MAP9: variants seen among roughly 807,000 people sequenced by gnomAD.
MAP9 encodes the protein microtubule-associated protein 9.
A neutral mutation model predicts 75.2 loss-of-function variants in MAP9; 80 were observed. The ratio of observed to expected loss-of-function variants is 1.06; its 90% CI spans 0.89 to 1.28. The LOEUF (loss-of-function observed/expected upper bound fraction) is 1.28. Among genes scored for constraint, MAP9 ranks in the 50% most tolerant of loss-of-function variants. The pLI, the probability that MAP9 is intolerant of heterozygous loss-of-function variation, is 0.00. For missense variants in MAP9, 753 were observed against 719.9 expected (o/e 1.05, Z -0.53); for synonymous variants, 235 against 237.3 (o/e 0.99, Z 0.09).
intron 4 of MAP9, among the ~76,000 whole-genome samples, chr4:155,372,052 G>A (rs899630627): frequency 2.0e-5 from 3 of 152,132 alleles, no homozygotes; most frequent in Non-Finnish European, 2.9e-5. Flanking sequence ...TCATCATGAG[G>A]ATACTGAAGC....
At chr4:155,355,263 A>G (rs914754183) in intron 9 of MAP9, 103 bp from the exon 10 acceptor site, 1 of 437,448 alleles carries the variant, frequency 2.3e-6, no homozygotes, top group Non-Finnish European at 4.0e-6. Context: ...ACAATTTTCT[A>G]AAGTATACTA....
Position 155,345,327 on chromosome 4 carries a change from G to A in MAP9, c.*2456C>T, listed in dbSNP as rs1483229812. ...AAGACAAAAAAAATTTGAAGTGAATGACTTGTTGGGTCTATGCAAACACCT... is the reference window on the plus strand; with the variant it reads ...AAGACAAAAAAAATTTGAAGTGAATAACTTGTTGGGTCTATGCAAACACCT... On this transcript the variant is annotated 3_prime_UTR_variant, in exon 14 of 14. Coordinates refer to ENST00000311277, the MANE Select transcript of MAP9 (RefSeq NM_001039580.2). The A allele has an allele frequency of 6.6e-6, 1 of 152,004 alleles. No homozygotes were observed. Among genetic ancestry groups the A allele is most frequent in the Non-Finnish European group, 1.5e-5 (1 of 67,934 alleles). 9.4% of individuals were successfully genotyped at this position (152,004 alleles called of 1,614,324 possible). A position where few individuals can be genotyped will look rare whatever the true frequency, so the allele number is the denominator to read the frequency against.
intron 4 of MAP9, among the ~76,000 whole-genome samples, chr4:155,372,318 T>C (rs1342933240): frequency 6.6e-6 from 1 of 152,208 alleles, no homozygotes; most frequent in African/African-American, 2.4e-5. Flanking sequence ...TGCAAGGAGA[T>C]TTTTATGAAG....
intron 7 of MAP9, among the ~76,000 whole-genome samples, chr4:155,359,734 ATGTTGATAAAC>A (rs1336569338): frequency 6.6e-6 from 1 of 152,080 alleles, no homozygotes; most frequent in African/African-American, 2.4e-5. Context: ...AGAAGCACAG[ATGTTGATAAAC>A]TGTTGATAAA....
intron 13 of MAP9, among the ~76,000 whole-genome samples, chr4:155,348,127 G>T (rs1418718428): frequency 6.6e-6 from 1 of 152,056 alleles, no homozygotes; most frequent in East Asian, 1.9e-4. Context: ...TTTGAGCCTG[G>T]GAGTTCGAGA....
chr4:155,353,213 T>C lies in MAP9; in HGVS notation c.1508A>G (p.Glu503Gly), dbSNP rs1190995367. 1 of 1,600,090 alleles carries C rather than the reference T, an allele frequency of 6.2e-7. No individual in the cohort carries two copies. The highest frequency in any genetic ancestry group is 1.7e-5 in the Admixed American group (1 of 57,568). Residue 503 changes from glutamate (E) to glycine (G), a missense_variant, in exon 11 of 14, where the codon GAA (glutamate) becomes GGA (glycine). By Grantham distance (98) the Glu-to-Gly change is moderately conservative. Coordinates refer to ENST00000311277, the MANE Select transcript of MAP9 (RefSeq NM_001039580.2). ...LEEKNKKKTE[E>G]ENAARKGEAL... Reference sequence around the variant, plus strand: ...TTCTCCTTTTCTTGCAGCATTTTCTTCTTCAGTTTTCTTCTTGTTTTTTTC... The same window carrying C: ...TTCTCCTTTTCTTGCAGCATTTTCTCCTTCAGTTTTCTTCTTGTTTTTTTC...
Position 155,375,873 on chromosome 4 carries a change from T to A in MAP9, c.-23A>T. 1 of 1,505,520 alleles carries A rather than the reference T, an allele frequency of 6.6e-7. No homozygotes were observed. Among genetic ancestry groups the A allele is most frequent in the Non-Finnish European group, 9.2e-7 (1 of 1,088,478 alleles). The allele number at this position is 1,505,520 out of a possible 1,614,324, so 93.3% of individuals were successfully genotyped here. On this transcript the variant is annotated 5_prime_UTR_variant, in exon 2 of 14. Transcript: ENST00000311277. ...CATAGTGTATTTTTTCTCGTTACCTTTATAAAATAGCTAATTATTAGAATT... is the reference window on the plus strand; with the variant it reads ...CATAGTGTATTTTTTCTCGTTACCTATATAAAATAGCTAATTATTAGAATT...
In MAP9 at chr4:155,368,645, G is replaced by T. The variant is rs200445044; in HGVS notation, c.649C>A (p.Pro217Thr). 14 of 1,614,152 alleles carry T rather than the reference G, an allele frequency of 8.7e-6. No individual in the cohort carries two copies. Among genetic ancestry groups the T allele is most frequent in the Non-Finnish European group, 1.1e-5 (13 of 1,180,032 alleles). ...LHSAPSSLPT[P>T]NGIQLEAEKK... ...TCAGCTTCTAATTGTATGCCATTCGGCGTTGGAAGGGAAGAAGGTGCAGAA... is the reference window on the plus strand; with the variant it reads ...TCAGCTTCTAATTGTATGCCATTCGTCGTTGGAAGGGAAGAAGGTGCAGAA... Residue 217 changes from proline (P) to threonine (T), a missense_variant, in exon 5 of 14, where the codon CCG (proline) becomes ACG (threonine). Coordinates refer to ENST00000311277, the MANE Select transcript of MAP9 (RefSeq NM_001039580.2).
intron 8 of MAP9, 150 bp downstream of exon 8, chr4:155,357,299 T>C (rs1307754631): frequency 4.8e-6 from 3 of 630,948 alleles, no homozygotes; most frequent in Admixed American, 2.8e-5. Flanking sequence ...CAAGGGGTTT[T>C]ATCATGAAGT....
chr4:155,353,373 T>C (rs1173857556), intron 10 of MAP9, 33 bp from the exon 11 acceptor site: 2 of 1,458,692 alleles, frequency 1.4e-6, no homozygotes, highest in Middle Eastern at 2.1e-4. Flanking sequence ...GTGATATACA[T>C]ATATATGTAT....
At chr4:155,353,903 T>G (rs1249676859) in intron 10 of MAP9, among the ~76,000 whole-genome samples, 1 of 152,212 alleles carries the variant, frequency 6.6e-6, no homozygotes, top group Admixed American at 6.5e-5. Context: ...GTATAGCAAG[T>G]TATGTTATTA....
chr4:155,375,144 C>T (rs1360061924), intron 2 of MAP9, 123 bp from the exon 3 acceptor site: 2 of 644,498 alleles, frequency 3.1e-6, no homozygotes, highest in East Asian at 2.8e-5. Flanking sequence ...ATTCATCTAA[C>T]AAATATTTCC....
Position 155,352,469 on chromosome 4 carries a change from A to G in MAP9, c.1821+127T>C. The G allele has an allele frequency of 3.2e-6, 3 of 939,656 alleles. No homozygotes were observed. In the South Asian group the frequency reaches 4.4e-5, roughly 14 times the overall value. The allele number at this position is 939,656 out of a possible 1,614,324, so 58.2% of individuals were successfully genotyped here. ...TGCTATATGCAGGAGGAGAGCTTGA[A>G]TTCAACAAAGCAGATTCCAGGTAGA... is the stretch of plus-strand genomic sequence containing the variant. On this transcript the variant is annotated intron_variant, in intron 13 of 13. Coordinates refer to ENST00000311277, the MANE Select transcript of MAP9 (RefSeq NM_001039580.2).
At chr4:155,359,236 C>CACAT (rs1488890614) in intron 7 of MAP9, among the ~76,000 whole-genome samples, 1 of 151,608 alleles carries the variant, frequency 6.6e-6, no homozygotes, top group Non-Finnish European at 1.5e-5. Flanking sequence ...CACACACACA[C>CACAT]ACACACACAC....
At position 155,368,582 on chromosome 4, in the gene MAP9, T is replaced by C. The variant is rs1213469471; in HGVS notation, c.708+4A>G. ...CAATTCAACAGTTTAGTGGTAGTGC[T>C]AACCTCAGGATCAAGGTTTTCAGAG... On this transcript the variant is annotated splice_donor_region_variant and intron_variant, in intron 5 of 13. Transcript: ENST00000311277. 1 of 1,606,408 alleles carries C rather than the reference T, an allele frequency of 6.2e-7. No individual in the cohort carries two copies. Among genetic ancestry groups the C allele is most frequent in the African/African-American group, 1.3e-5 (1 of 74,770 alleles).
chr4:155,355,938 G>A, intron 8 of MAP9, 54 bp from the exon 9 acceptor site: 1 of 1,471,882 alleles, frequency 6.8e-7, no homozygotes, highest in Non-Finnish European at 9.4e-7. Flanking sequence ...TTTGGTAGAA[G>A]AGAGATCTGT....
intron 13 of MAP9, chr4:155,350,296 A>C: frequency 2.2e-6 from 1 of 447,202 alleles, no homozygotes; most frequent in Non-Finnish European, 4.5e-6. Flanking sequence ...TGTAACATGT[A>C]TGTTTATGTG....
intron 7 of MAP9, among the ~76,000 whole-genome samples, chr4:155,359,539 T>C (rs1489777146): frequency 1.3e-5 from 2 of 151,900 alleles, no homozygotes; most frequent in African/African-American, 2.4e-5. Context: ...AATATATCCA[T>C]GTAACAAAAA....
intron 13 of MAP9, 180 bp downstream of exon 13, chr4:155,352,416 A>T: frequency 1.8e-6 from 1 of 562,466 alleles, no homozygotes; most frequent in Non-Finnish European, 3.0e-6. Context: ...TAGAAACATT[A>T]ATAGAAATGA....
Sources: allele counts gnomAD v4.1 joint callset (sites outside exome capture counted in the v4.1 genomes callset), GRCh38; gene constraint gnomAD v4.1.1; transcripts MANE v1.5; gene names NCBI Gene and HGNC (gene_info 2026-07-23, HGNC 2026-07-21).